Variants in PRKAR2B observed in about 807,000 individuals in gnomAD.
PRKAR2B encodes the protein cAMP-dependent protein kinase type II-beta regulatory subunit.
In PRKAR2B, 14 loss-of-function variants were observed where a neutral mutation model predicts 49.9. The observed-to-expected ratio is 0.28, with a 90% CI of 0.19 to 0.44. The LOEUF (loss-of-function observed/expected upper bound fraction) is 0.44. Among genes scored for constraint, PRKAR2B ranks in the 20% least tolerant of loss-of-function variants. The pLI is 1.00. For synonymous variants in PRKAR2B, 196 were observed against 197.7 expected, an observed-to-expected ratio of 0.99 and a Z score of 0.07; for missense variants, 393 against 537.9, an observed-to-expected ratio of 0.73 and a Z score of 2.67.
At chr7:107,080,963 A>G (rs1794504238) in intron 2 of PRKAR2B, among the ~76,000 whole-genome samples, 1 of 152,248 alleles carries the variant, frequency 6.6e-6, no homozygotes, top group African/African-American at 2.4e-5. Context: ...GATTGTGGTT[A>G]TTCTGGAAGA....
intron 2 of PRKAR2B, among the ~76,000 whole-genome samples, chr7:107,107,181 A>G (rs1478848521): frequency 2.0e-5 from 3 of 152,150 alleles, no homozygotes; most frequent in Admixed American, 6.5e-5. Flanking sequence ...TACTAAACAT[A>G]CAAAAATTAG....
Position 107,159,713 on chromosome 7 carries a change from G to A in PRKAR2B, c.*131G>A, listed in dbSNP as rs1449344462. The stretch of plus-strand genomic sequence containing the variant: ...TTTTTCCTTTTTTTACATTTACAAC[G>A]TATCAATAAACAGTAGTGATTTAAT... On this transcript the variant is annotated 3_prime_UTR_variant, in exon 11 of 11. Transcript: ENST00000265717. 59 of 915,724 alleles carry A rather than the reference G, an allele frequency of 6.4e-5. No individual in the cohort carries two copies. The highest frequency in any genetic ancestry group is 2.3e-4 in the Middle Eastern group (1 of 4,338). The allele number at this position is 915,724 out of a possible 1,614,324, so 56.7% of individuals were successfully genotyped here. A position where few individuals can be genotyped will look rare whatever the true frequency, so the allele number is the denominator to read the frequency against.
At position 107,153,258 on chromosome 7, in the gene PRKAR2B, T is replaced by A. The variant is rs778653179; in HGVS notation, c.918+7T>A. 8.2e-6 allele frequency: 13 copies of A among 1,591,374 alleles called. No homozygotes were observed. Among genetic ancestry groups the A allele is most frequent in the Middle Eastern group, 1.7e-4 (1 of 6,008 alleles). On this transcript the variant is annotated splice_region_variant and intron_variant, in intron 8 of 10. Transcript: ENST00000265717. ...AGAACAAATCATTGCTCAGGTATGA[T>A]ATTTTGAAATGTAATTCAGTTTAGG... is the stretch of plus-strand genomic sequence containing the variant.
chr7:107,126,087 TAAAAAAAAAA>T (rs34333619), intron 3 of PRKAR2B, among the ~76,000 whole-genome samples: 3 of 82,258 alleles, frequency 3.6e-5, no homozygotes, highest in Non-Finnish European at 6.8e-5. Flanking sequence ...GACTGTGTCT[TAAAAAAAAAA>T]AAAAAAAAAA....
chr7:107,124,331 T>C (rs904946590), intron 3 of PRKAR2B, among the ~76,000 whole-genome samples: 7 of 152,216 alleles, frequency 4.6e-5, no homozygotes, highest in African/African-American at 1.7e-4. Flanking sequence ...GTTCCACCTG[T>C]ATATCTGGCC....
chr7:107,153,851 C>A (rs1037379839), intron 8 of PRKAR2B, among the ~76,000 whole-genome samples: 1 of 152,080 alleles, frequency 6.6e-6, no homozygotes, highest in Admixed American at 6.5e-5. Context: ...ACCTTGTTTC[C>A]TAGTTATATT....
chr7:107,111,993 C>T (rs1247075673), intron 2 of PRKAR2B, among the ~76,000 whole-genome samples: 1 of 136,256 alleles, frequency 7.3e-6, no homozygotes, highest in East Asian at 2.1e-4. Flanking sequence ...ATAGCAAGAG[C>T]CTCCTCTACC....
At chr7:107,068,273 G>A (rs777425458) in intron 1 of PRKAR2B, among the ~76,000 whole-genome samples, 2 of 152,128 alleles carry the variant, frequency 1.3e-5, no homozygotes, top group Non-Finnish European at 2.9e-5. Flanking sequence ...GAGGCTGGAG[G>A]GGGCAGGGGG....
At chr7:107,116,941 A>G (rs1351955073) in intron 2 of PRKAR2B, among the ~76,000 whole-genome samples, 5 of 146,158 alleles carry the variant, frequency 3.4e-5, no homozygotes, top group Non-Finnish European at 6.0e-5. Flanking sequence ...GTGTATATAT[A>G]TGTGTGTGTG....
intron 4 of PRKAR2B, among the ~76,000 whole-genome samples, chr7:107,138,327 T>C (rs776888733): frequency 1.6e-4 from 24 of 152,226 alleles, no homozygotes; most frequent in Non-Finnish European, 3.4e-4. Flanking sequence ...GGAGTCTGTG[T>C]CATGTGTTGG....
At chr7:107,047,477 C>T (rs1336851040) in intron 1 of PRKAR2B, among the ~76,000 whole-genome samples, 5 of 149,178 alleles carry the variant, frequency 3.4e-5, no homozygotes, top group Non-Finnish European at 3.0e-5. Context: ...CTGAGGGTTG[C>T]GGTTGTACAA....
intron 2 of PRKAR2B, among the ~76,000 whole-genome samples, chr7:107,075,201 C>T (rs1000218934): frequency 3.3e-5 from 5 of 150,116 alleles, no homozygotes; most frequent in Non-Finnish European, 7.4e-5. Context: ...CTCTTGGGTT[C>T]AAGCGATTCT....
Position 107,160,562 on chromosome 7 carries a change from G to A in PRKAR2B, c.*980G>A, listed in dbSNP as rs143570336. 22 of 152,140 alleles carry A rather than the reference G, an allele frequency of 1.4e-4. No homozygotes were observed. Among genetic ancestry groups the A allele is most frequent in the African/African-American group, 5.3e-4 (22 of 41,522 alleles). 9.4% of individuals were successfully genotyped at this position (152,140 alleles called of 1,614,324 possible). On this transcript the variant is annotated 3_prime_UTR_variant, in exon 11 of 11. Coordinates refer to ENST00000265717, the MANE Select transcript of PRKAR2B (RefSeq NM_002736.3). ...ATAATACAGTCCTATGTAGACATCT[G>A]TTCCCTTGGGTTTCCGTTCTTTCTT...
chr7:107,082,957 T>A (rs986988127), intron 2 of PRKAR2B, among the ~76,000 whole-genome samples: 15 of 152,170 alleles, frequency 9.9e-5, no homozygotes, highest in Non-Finnish European at 2.9e-5. Context: ...GAGACTGAAG[T>A]GTCTTAGATG....
intron 1 of PRKAR2B, among the ~76,000 whole-genome samples, chr7:107,054,213 G>T (rs961962607): frequency 1.3e-5 from 2 of 152,058 alleles, no homozygotes; most frequent in African/African-American, 4.8e-5. Context: ...AATTAGCCTG[G>T]CGTGGTGGCA....
At position 107,121,946 on chromosome 7, in the gene PRKAR2B, T is replaced by C. The variant is rs1161485992; in HGVS notation, c.344-6T>C. 2 of 1,573,326 alleles carry C rather than the reference T, an allele frequency of 1.3e-6. No individual in the cohort carries two copies. The highest frequency in any genetic ancestry group is 2.3e-5 in the South Asian group (2 of 87,134). ...ATCTTTAAGATGTTCATTTTTGTTT[T>C]TATAGTATGTGCAGAAGCTTATAAT... On this transcript the variant is annotated splice_polypyrimidine_tract_variant and splice_region_variant and intron_variant, in intron 2 of 10. Transcript: ENST00000265717.
intron 10 of PRKAR2B, among the ~76,000 whole-genome samples, chr7:107,158,797 C>T (rs1796144914): frequency 6.6e-6 from 1 of 152,050 alleles, no homozygotes; most frequent in African/African-American, 2.4e-5. Context: ...ATCTTTTTAT[C>T]TTTAGTGTAA....
At chr7:107,148,749 GA>G (rs1409211361) in intron 6 of PRKAR2B, among the ~76,000 whole-genome samples, 1 of 152,150 alleles carries the variant, frequency 6.6e-6, no homozygotes, top group Non-Finnish European at 1.5e-5. Context: ...AAGCCCAAGA[GA>G]AAAGTCCATT....
chr7:107,071,650 GA>G, intron 2 of PRKAR2B, among the ~76,000 whole-genome samples: 1 of 152,288 alleles, frequency 6.6e-6, no homozygotes, highest in Middle Eastern at 3.4e-3. Flanking sequence ...TTCATGAGGT[GA>G]AATTCTTTCA....
Sources: gnomAD v4.1 joint callset for allele counts (sites outside exome capture counted in the v4.1 genomes callset) on GRCh38, gnomAD v4.1.1 for gene constraint, MANE v1.5 for transcripts, NCBI Gene and HGNC (gene_info 2026-07-23, HGNC 2026-07-21) for gene names.